Variants in HDHD5 observed in about 807,000 individuals in gnomAD.
HDHD5 encodes haloacid dehalogenase-like hydrolase domain-containing 5.
HDHD5 carries 34 observed loss-of-function variants against 35.5 expected under a neutral mutation model. The observed-to-expected ratio is 0.96, with a 90% CI of 0.73 to 1.28. The LOEUF (loss-of-function observed/expected upper bound fraction) is 1.28. Ranked by LOEUF, HDHD5 falls within the 50% of genes most tolerant of loss-of-function variation. The pLI is 0.00. For synonymous variants in HDHD5, 248 were observed against 240.6 expected (o/e 1.03, Z -0.29); for missense variants, 589 against 560.2 (o/e 1.05, Z -0.52).
At chr22:17,159,472 G>A (rs1446866003), upstream of HDHD5, 1 of 523,084 alleles carries the variant, frequency 1.9e-6, no homozygotes, top group Non-Finnish European at 3.5e-6. Context: ...GACCGAGATC[G>A]CGGTGAGCTG....
chr22:17,164,440 C>T (rs953617255), intron 1 of HDHD5, among the ~76,000 whole-genome samples: 3 of 152,156 alleles, frequency 2.0e-5, no homozygotes, highest in South Asian at 4.1e-4. Context: ...CTCACATAAA[C>T]GAAGTAGTTG....
intron 1 of HDHD5, among the ~76,000 whole-genome samples, chr22:17,156,391 T>C (rs181706450): frequency 8.4e-4 from 128 of 152,270 alleles, no homozygotes; most frequent in Admixed American, 2.5e-3. Context: ...GGCGGGCGTA[T>C]CATGAGGTCA....
intron 1 of HDHD5, among the ~76,000 whole-genome samples, chr22:17,150,952 T>C (rs558217914): frequency 6.0e-4 from 92 of 152,364 alleles, no homozygotes; most frequent in African/African-American, 2.0e-3. Context: ...AATTTTGCTA[T>C]GAAAAATAAT....
At chr22:17,143,412 C>A (rs2061621577) in intron 4 of HDHD5, 1 of 378,482 alleles carries the variant, frequency 2.6e-6, no homozygotes, top group Non-Finnish European at 4.7e-6. Context: ...GGAGAGGACA[C>A]AAGATATAGC....
intron 1 of HDHD5, 81 bp from the exon 2 acceptor site, chr22:17,149,826 G>A (rs528488052): frequency 2.6e-5 from 32 of 1,252,724 alleles, no homozygotes; most frequent in South Asian, 2.4e-4. Flanking sequence ...CACCATCCTC[G>A]GGTCACTCAT....
Position 17,138,355 on chromosome 22 carries a change from T to C in HDHD5, c.938A>G (p.Asp313Gly). ...APIRKLYAVG[D>G]NPMSDVYGAN... is the part of the protein sequence containing the mutation. Reference sequence around the variant, plus strand: ...GCCGTATACGTCAGACATAGGGTTATCACTGGCAGGGGCAGCCACACCGGA... The same window carrying C: ...GCCGTATACGTCAGACATAGGGTTACCACTGGCAGGGGCAGCCACACCGGA... The change falls in exon 8 of 8, where the codon GAT becomes GGT. Residue 313 changes from aspartate to glycine, a missense_variant and splice_region_variant. Coordinates refer to ENST00000336737, the MANE Select transcript of HDHD5 (RefSeq NM_033070.3). The C allele has an allele frequency of 1.2e-6, 2 of 1,606,018 alleles. No individual in the cohort carries two copies. Among genetic ancestry groups the C allele is most frequent in the Non-Finnish European group, 1.7e-6 (2 of 1,175,776 alleles).
upstream of HDHD5, among the ~76,000 whole-genome samples, chr22:17,162,881 G>A (rs1226742255): frequency 1.3e-5 from 2 of 152,224 alleles, no homozygotes; most frequent in Non-Finnish European, 2.9e-5. Flanking sequence ...GGGCAGTGCT[G>A]AATAAACACT....
At chr22:17,150,515 T>C (rs1052854986) in intron 1 of HDHD5, among the ~76,000 whole-genome samples, 4 of 140,260 alleles carry the variant, frequency 2.9e-5, no homozygotes, top group African/African-American at 1.1e-4. Flanking sequence ...TGGTATCTCT[T>C]GGCTGTCTTT....
chr22:17,159,612 G>T (rs928829738), upstream of HDHD5: 2 of 410,332 alleles, frequency 4.9e-6, no homozygotes, highest in Non-Finnish European at 9.6e-6. Flanking sequence ...GTCTGGGCCG[G>T]GGGTCTCAAC....
chr22:17,162,826 C>T (rs1173921247), upstream of HDHD5, among the ~76,000 whole-genome samples: 7 of 152,206 alleles, frequency 4.6e-5, no homozygotes, highest in African/African-American at 1.7e-4. Context: ...CCCATCCTGC[C>T]GGATGCACGG....
chr22:17,159,258 G>A lies in HDHD5; in HGVS notation c.-7C>T. The A allele has an allele frequency of 8.1e-7, 1 of 1,237,482 alleles. No homozygotes were observed. The highest frequency in any genetic ancestry group is 1.0e-6 in the Non-Finnish European group (1 of 988,136). 76.7% of individuals were successfully genotyped at this position (1,237,482 alleles called of 1,614,324 possible). On this transcript the variant is annotated 5_prime_UTR_variant, in exon 1 of 8. It adds an upstream start codon to the 5' untranslated region. Transcript: ENST00000336737. ...CACAGCCCCACGCAGCCATCCGGCC[G>A]TCGCCGTGCGCACGTGCACGGCGTG...
Position 17,138,042 on chromosome 22 carries a change from C to G in HDHD5, c.1251G>C (p.Lys417Asn). Residue 417 changes from lysine (K) to asparagine (N), a missense_variant, in exon 8 of 8, where the codon AAG becomes AAC. Transcript: ENST00000336737. Reference protein sequence around the residue: ...VNEAVQLVFRKEGWALE With the variant: ...VNEAVQLVFRNEGWALE The stretch of plus-strand genomic sequence containing the variant: ...GCCCTCACTCCAAAGCCCAGCCCTC[C>G]TTGCGGAAGACCAGCTGCACAGCCT... The G allele has an allele frequency of 6.2e-7, 1 of 1,613,112 alleles. No homozygotes were observed. The highest frequency in any genetic ancestry group is 8.5e-7 in the Non-Finnish European group (1 of 1,179,156).
At position 17,137,673 on chromosome 22, in the gene HDHD5, A is replaced by G. The variant is rs948010910; in HGVS notation, c.*348T>C. On this transcript the variant is annotated 3_prime_UTR_variant, in exon 8 of 8. Transcript: ENST00000336737. Reference sequence around the variant, plus strand: ...TTCAGTGCCGGCAAAGGCTCTGCACAGACATCCACAGTATTCCACACTGCC... The same window carrying G: ...TTCAGTGCCGGCAAAGGCTCTGCACGGACATCCACAGTATTCCACACTGCC... The G allele has an allele frequency of 8.2e-6, 2 of 242,434 alleles. No individual in the cohort carries two copies. The highest frequency in any genetic ancestry group is 4.5e-5 in the African/African-American group (2 of 44,690). 15.0% of individuals were successfully genotyped at this position (242,434 alleles called of 1,614,324 possible). A position where few individuals can be genotyped will look rare whatever the true frequency, so the allele number is the denominator to read the frequency against.
At chr22:17,157,338 G>A (rs186318693) in intron 1 of HDHD5, among the ~76,000 whole-genome samples, 1 of 145,082 alleles carries the variant, frequency 6.9e-6, no homozygotes, top group South Asian at 2.2e-4. Flanking sequence ...CCCGATCTCC[G>A]CTCACCGCAA....
chr22:17,141,281 C>T (rs199595517), intron 5 of HDHD5, 48 bp from the exon 6 acceptor site: 44 of 1,545,626 alleles, frequency 2.8e-5, no homozygotes, highest in African/African-American at 1.1e-4. Context: ...AGATGGCAGG[C>T]GGCAGGCCCT....
At chr22:17,161,909 A>G (rs1396645454), upstream of HDHD5, among the ~76,000 whole-genome samples, 3 of 151,916 alleles carry the variant, frequency 2.0e-5, no homozygotes, top group African/African-American at 7.3e-5. Flanking sequence ...CCTGGAGTCT[A>G]ATTCTAATTC....
upstream of HDHD5, among the ~76,000 whole-genome samples, chr22:17,162,645 CTG>C (rs2061870644): frequency 6.6e-6 from 1 of 152,200 alleles, no homozygotes; most frequent in Non-Finnish European, 1.5e-5. Context: ...GAATCAAAGA[CTG>C]TGTGTGTACG....
chr22:17,144,657 A>G (rs1010012316), intron 4 of HDHD5, among the ~76,000 whole-genome samples: 2 of 151,620 alleles, frequency 1.3e-5, no homozygotes, highest in African/African-American at 2.4e-5. Flanking sequence ...CAGGTGATCC[A>G]CCCGCCTTGG....
At chr22:17,155,312 C>A (rs1310769468) in intron 1 of HDHD5, among the ~76,000 whole-genome samples, 2 of 149,154 alleles carry the variant, frequency 1.3e-5, no homozygotes, top group Admixed American at 1.4e-4. Context: ...GTGGTGCAAT[C>A]TCGACTCACT....
Sources: gnomAD v4.1 joint callset for allele counts (sites outside exome capture counted in the v4.1 genomes callset) on GRCh38, gnomAD v4.1.1 for gene constraint, MANE v1.5 for transcripts, NCBI Gene and HGNC (gene_info 2026-07-23, HGNC 2026-07-21) for gene names.